FNDC1: variants seen among roughly 807,000 people sequenced by gnomAD.
FNDC1 encodes the protein fibronectin type III domain-containing protein 1.
In FNDC1, 96 loss-of-function variants were observed where a neutral mutation model predicts 168.0. The observed-to-expected ratio is 0.57, with a 90% CI of 0.48 to 0.68. FNDC1 has a LOEUF of 0.68. FNDC1 is among the 30% of genes least tolerant of loss of function. The probability of loss-of-function intolerance (pLI) is 0.00; values close to 1 mark genes in which losing one functional copy is unlikely to be tolerated. For synonymous variants in FNDC1, 1,099 were observed against 1,025.9 expected, an observed-to-expected ratio of 1.07 and a Z score of -1.36; for missense variants, 2,587 against 2,482.1, an observed-to-expected ratio of 1.04 and a Z score of -0.90.
intron 17 of FNDC1, among the ~76,000 whole-genome samples, chr6:159,252,221 AT>A (rs34765113): frequency 0.022 from 3,330 of 151,990 alleles, 129 homozygotes; most frequent in African/African-American, 0.077. Context: ...ATAATTGCAA[AT>A]TTTTTTTCTG....
At chr6:159,206,088 AT>A (rs1352892198) in intron 4 of FNDC1, among the ~76,000 whole-genome samples, 21 of 152,374 alleles carry the variant, frequency 1.4e-4, no homozygotes, top group Admixed American at 1.4e-3. Context: ...GACATGTGTC[AT>A]TGGCACTTGG....
chr6:159,253,221 C>A (rs1217234679), intron 17 of FNDC1, among the ~76,000 whole-genome samples: 2 of 152,078 alleles, frequency 1.3e-5, no homozygotes, highest in East Asian at 3.9e-4. Flanking sequence ...CAGAGCCGTG[C>A]CAACTCCTGT....
Position 159,232,628 on chromosome 6 carries a change from G to T in FNDC1, c.2116G>T (p.Ala706Ser), listed in dbSNP as rs772608315. The T allele has an allele frequency of 1.9e-6, 3 of 1,610,844 alleles. No homozygotes were observed. Among genetic ancestry groups the T allele is most frequent in the East Asian group, 2.2e-5 (1 of 44,780 alleles). The part of the protein sequence containing the change: ...PARRTPHSGA[A>S]EEDSSASAPP... ...CCGGAGGACCCCCCATTCAGGGGCC[G>T]CAGAGGAAGATTCCAGTGCCTCAGC... Residue 706 changes from alanine (A) to serine (S), a missense_variant, in exon 11 of 23, where the codon GCA (alanine) becomes TCA (serine). Coordinates refer to ENST00000297267, the MANE Select transcript of FNDC1 (RefSeq NM_032532.3). The surrounding 1 kb of genome is among the most constrained non-coding windows in gnomAD (Gnocchi z 4.9).
rs560517397 is a variant in FNDC1 at position 159,232,796 on chromosome 6, A to G, written c.2284A>G (p.Thr762Ala). The stretch of plus-strand genomic sequence containing the variant: ...CAACTCCAATGCGCCATCACGGTCC[A>G]CCATGTCCTCCTCCGTCTCTTCTCA... ...ATNSNAPSRSTMSSSVSSHLS... is the reference protein window; with the variant it reads ...ATNSNAPSRSAMSSSVSSHLS... Residue 762 changes from threonine (T) to alanine (A), a missense_variant, in exon 11 of 23, where the codon ACC (threonine) becomes GCC (alanine). By Grantham distance (58) the Thr-to-Ala change is moderately conservative. Coordinates refer to ENST00000297267, the MANE Select transcript of FNDC1 (RefSeq NM_032532.3). This position sits in a 1 kb window ranked among gnomAD's most constrained non-coding sequence, Gnocchi z 4.9. 1.0e-4 allele frequency: 161 copies of G among 1,613,908 alleles called. 5 individuals carry two copies. The South Asian group carries it at 1.5e-3, about 15-fold the overall frequency.
At chr6:159,182,991 G>T (rs562331906) in intron 1 of FNDC1, among the ~76,000 whole-genome samples, 1 of 152,244 alleles carries the variant, frequency 6.6e-6, no homozygotes, top group African/African-American at 2.4e-5. Context: ...AATTGGCCAA[G>T]AGCTGAGATA....
intron 14 of FNDC1, 123 bp downstream of exon 14, chr6:159,240,080 T>A: frequency 1.1e-6 from 1 of 890,958 alleles, no homozygotes; most frequent in Non-Finnish European, 1.6e-6. Flanking sequence ...AGCAACCCGA[T>A]GCATTTTTGG....
chr6:159,213,002 T>A (rs1441195582), intron 4 of FNDC1, among the ~76,000 whole-genome samples: 2 of 152,098 alleles, frequency 1.3e-5, no homozygotes, highest in Non-Finnish European at 1.5e-5. Flanking sequence ...CTCATGGGGG[T>A]GATGAATCTA....
intron 2 of FNDC1, among the ~76,000 whole-genome samples, chr6:159,198,123 G>A (rs1782290113): frequency 1.3e-5 from 2 of 152,168 alleles, no homozygotes; most frequent in Non-Finnish European, 2.9e-5. Flanking sequence ...TGGAGGTTTG[G>A]AATATTTGAG....
intron 1 of FNDC1, among the ~76,000 whole-genome samples, chr6:159,195,521 G>A (rs1180646725): frequency 6.6e-6 from 1 of 152,122 alleles, no homozygotes; most frequent in Non-Finnish European, 1.5e-5. Flanking sequence ...GACCAATTCC[G>A]AGGGAGCATG....
intron 3 of FNDC1, 43 bp from the exon 4 acceptor site, chr6:159,200,470 C>T (rs1209034343): frequency 6.8e-7 from 1 of 1,466,400 alleles, no homozygotes; most frequent in Non-Finnish European, 9.4e-7. Context: ...GAAAACCCAA[C>T]AGTCCTCGTT....
At chr6:159,243,000 T>C (rs566899668) in intron 14 of FNDC1, among the ~76,000 whole-genome samples, 1 of 152,326 alleles carries the variant, frequency 6.6e-6, no homozygotes, top group South Asian at 2.1e-4. Flanking sequence ...TTTTGTTTGT[T>C]TGGTTTTGTT....
Position 159,251,309 on chromosome 6 carries a change from C to T in FNDC1, c.4842C>T (p.Tyr1614=), listed in dbSNP as rs368248471. 56 of 1,612,918 alleles carry T rather than the reference C, an allele frequency of 3.5e-5. No homozygotes were observed. The highest frequency in any genetic ancestry group is 6.7e-5 in the Admixed American group (4 of 59,972). ...LAGRKRFVAP[Y]VTYLNKDPSA... ...ATCTCTGTTCTTTTCCAGCTCCTTA[C>T]GTGACGTACCTAAATAAAGACCCAT... The change falls in exon 17 of 23, where the codon TAC becomes TAT. Residue 1614 remains tyrosine (Y), a synonymous_variant. Transcript: ENST00000297267.
At chr6:159,174,888 C>T (rs1235458670) in intron 1 of FNDC1, among the ~76,000 whole-genome samples, 1 of 152,144 alleles carries the variant, frequency 6.6e-6, no homozygotes, top group African/African-American at 2.4e-5. Context: ...CTGATGGGTC[C>T]CGTCTCAGCC....
chr6:159,234,563 T>C, intron 11 of FNDC1, 84 bp downstream of exon 11: 1 of 1,242,142 alleles, frequency 8.1e-7, no homozygotes, highest in Non-Finnish European at 1.1e-6. Flanking sequence ...TTCTATTGCA[T>C]TTAGCACCTA....
chr6:159,215,033 T>A lies in FNDC1; in HGVS notation c.549T>A (p.Ser183=). The A allele has an allele frequency of 1.2e-6, 2 of 1,614,034 alleles. No homozygotes were observed. Among genetic ancestry groups the A allele is most frequent in the Non-Finnish European group, 1.7e-6 (2 of 1,179,888 alleles). ...LSVAWKAPRL[S]GAKSPRRSRG... The stretch of plus-strand genomic sequence containing the variant: ...TTGCGTGGAAGGCACCACGCCTGTC[T>A]GGAGCCAAGAGTCCACGCAGATCAC... Residue 183 remains serine (S), a synonymous_variant, in exon 5 of 23, where the codon TCT becomes TCA. Coordinates refer to ENST00000297267, the MANE Select transcript of FNDC1 (RefSeq NM_032532.3).
At chr6:159,184,176 A>G (rs547881278) in intron 1 of FNDC1, among the ~76,000 whole-genome samples, 1 of 152,362 alleles carries the variant, frequency 6.6e-6, no homozygotes, top group East Asian at 1.9e-4. Context: ...AAGAGAAAAT[A>G]GTTATGATAA....
rs1273156459 is a variant in FNDC1, at chr6:159,246,926, C to CA, written c.4648dup (p.Thr1550AsnfsTer13). The CA allele has an allele frequency of 1.2e-6, 2 of 1,613,024 alleles. No individual in the cohort carries two copies. The highest frequency in any genetic ancestry group is 1.7e-6 in the Non-Finnish European group (2 of 1,179,140). ...ATGAGTTCTCAGGCTTGGAGACTGACACTGCAGTACCTACGGAAGAGGCCT... is the reference window on the plus strand; with the variant it reads ...ATGAGTTCTCAGGCTTGGAGACTGACAACTGCAGTACCTACGGAAGAGGCCT... On this transcript the variant is annotated frameshift_variant, in exon 15 of 23. Coordinates refer to ENST00000297267, the MANE Select transcript of FNDC1 (RefSeq NM_032532.3). LOFTEE classifies it high-confidence loss of function.
rs1055035699 is a variant in FNDC1 at position 159,265,970 on chromosome 6, A to G, written c.5285-114A>G. ...ACAACACAAACAAACAAACAAACAA[A>G]AAGCCCTGTAAGGAAAGGAAGGCCC... On this transcript the variant is annotated intron_variant, in intron 20 of 22. Transcript: ENST00000297267. 9.3e-6 allele frequency: 9 copies of G among 967,360 alleles called. No homozygotes were observed. In the East Asian group the frequency reaches 2.4e-4, roughly 26 times the overall value. 59.9% of individuals were successfully genotyped at this position (967,360 alleles called of 1,614,324 possible). A position where few individuals can be genotyped will look rare whatever the true frequency, so the allele number is the denominator to read the frequency against.
At chr6:159,248,305 A>G (rs1269559907) in intron 15 of FNDC1, among the ~76,000 whole-genome samples, 2 of 150,248 alleles carry the variant, frequency 1.3e-5, no homozygotes, top group Admixed American at 1.3e-4. Context: ...CATGGGAGAA[A>G]AAAGAATTTT....
Sources: allele counts gnomAD v4.1 joint callset (sites outside exome capture counted in the v4.1 genomes callset), GRCh38; gene constraint gnomAD v4.1.1; non-coding constraint Gnocchi (gnomAD v3.1); transcripts MANE v1.5; gene names NCBI Gene and HGNC (gene_info 2026-07-23, HGNC 2026-07-21).